Variants in PTX4 observed in about 807,000 individuals in gnomAD.
PTX4 encodes the protein pentraxin 4, also known as pentraxin-4.
A neutral mutation model predicts 19.1 loss-of-function variants in PTX4; 23 were observed. The observed-to-expected ratio is 1.20, with a 90% CI of 0.87 to 1.70. The LOEUF (loss-of-function observed/expected upper bound fraction) is 1.70. Ranked by LOEUF, PTX4 falls within the 40% of genes most tolerant of loss-of-function variation. The probability of loss-of-function intolerance (pLI) is 0.00; values close to 1 mark genes in which losing one functional copy is unlikely to be tolerated. For missense variants in PTX4, 678 were observed against 610.5 expected (o/e 1.11, Z -1.17); for synonymous variants, 317 against 279.6 (o/e 1.13, Z -1.33).
chr16:1,487,654 G>A lies in PTX4; in HGVS notation c.458C>T (p.Ser153Leu), dbSNP rs757747258. The change falls in exon 2 of 3, where the codon TCA (serine) becomes TTA (leucine). Residue 153 changes from serine to leucine, a missense_variant. By Grantham distance (145) the Ser-to-Leu change is moderately radical. Transcript: ENST00000447419. Reference sequence around the variant, plus strand: ...GACGAGGCCCTCCAGGCGTGCCAGTGAGTCCTGCAGGGCGTCCCTCTGGGC... The same window carrying A: ...GACGAGGCCCTCCAGGCGTGCCAGTAAGTCCTGCAGGGCGTCCCTCTGGGC... Reference protein sequence around the residue: ...HKAQRDALQDSLARLEGLVHS... With the variant: ...HKAQRDALQDLLARLEGLVHS... 2 of 1,589,766 alleles carry A rather than the reference G, an allele frequency of 1.3e-6. No individual in the cohort carries two copies. Among genetic ancestry groups the A allele is most frequent in the Non-Finnish European group, 1.7e-6 (2 of 1,164,278 alleles).
rs149572258 is a variant in PTX4, at chr16:1,486,133, C to G, written c.1243G>C (p.Asp415His). ...CTCCCCACGAAGGCCTCGGAGCTGT[C>G]GAATCCGCCCCCCACGCTGTCTTGT... ...QEQDSVGGGF[D>H]SSEAFVGSMS... Residue 415 changes from aspartate to histidine, a missense_variant, in exon 3 of 3, where the codon GAC becomes CAC. Transcript: ENST00000447419. 7 of 1,614,180 alleles carry G rather than the reference C, an allele frequency of 4.3e-6. No homozygotes were observed. The Admixed American group carries it at 5.0e-5, about 12-fold the overall frequency.
intron 2 of PTX4, among the ~76,000 whole-genome samples, chr16:1,487,091 C>T (rs889541512): frequency 3.9e-5 from 6 of 152,194 alleles, no homozygotes; most frequent in Non-Finnish European, 7.4e-5. Flanking sequence ...GTGCATCCCG[C>T]CACCTCTGCT....
rs759280380 is a variant in PTX4, at chr16:1,487,351, C to T, written c.761G>A (p.Arg254Gln). ...CACCTGGGGGGACCATGCCTGCTGC[C>T]GAGGGTCTTTTGGGGCAGTCCCACT... ...VLSGTAPKDP[R>Q]QQAWSPQVPG... The change falls in exon 2 of 3, where the codon CGG becomes CAG. Residue 254 changes from arginine (R) to glutamine (Q), a missense_variant. Transcript: ENST00000447419. The T allele has an allele frequency of 6.4e-6, 10 of 1,556,178 alleles. No individual in the cohort carries two copies. The highest frequency in any genetic ancestry group is 6.1e-5 in the South Asian group (5 of 81,668).
At position 1,487,296 on chromosome 16, in the gene PTX4, T is replaced by TG. The variant is rs750188077; in HGVS notation, c.796+19dup. ...GCTGGAGGGAAGCCTGGCCGTGAGC[T>TG]GGGAGCCTGTGGTACTTACTCTCTC... On this transcript the variant is annotated intron_variant, in intron 2 of 2. Coordinates refer to ENST00000447419, the MANE Select transcript of PTX4 (RefSeq NM_001328608.2). 4 of 1,501,076 alleles carry TG rather than the reference T, an allele frequency of 2.7e-6. No individual in the cohort carries two copies. The East Asian group carries it at 1.0e-4, about 38-fold the overall frequency. 93.0% of individuals were successfully genotyped at this position (1,501,076 alleles called of 1,614,324 possible).
intron 2 of PTX4, among the ~76,000 whole-genome samples, chr16:1,486,848 C>T (rs2039250861): frequency 6.6e-6 from 1 of 152,182 alleles, no homozygotes; most frequent in South Asian, 2.1e-4. Flanking sequence ...TGTCGGCCCA[C>T]CCAGCTGAGC....
chr16:1,486,663 C>T (rs1354491688), intron 2 of PTX4, 84 bp from the exon 3 acceptor site: 3 of 1,399,186 alleles, frequency 2.1e-6, no homozygotes, highest in Admixed American at 5.6e-5. Context: ...GGTGCCTGGC[C>T]TCCCACTCCC....
Position 1,486,095 on chromosome 16 carries a change from C to G in PTX4, c.1281G>C (p.Leu427Phe), listed in dbSNP as rs1259821677. 16 of 1,614,082 alleles carry G rather than the reference C, an allele frequency of 9.9e-6. 1 individual carries two copies. The Admixed American group carries it at 2.7e-4, about 27-fold the overall frequency. ...GAACCAGCGCCCGATCCCAGATAGCCAAGCCAGACATGCTCCCCACGAAGG... is the reference window on the plus strand; with the variant it reads ...GAACCAGCGCCCGATCCCAGATAGCGAAGCCAGACATGCTCCCCACGAAGG... ...SEAFVGSMSG[L>F]AIWDRALVPG... Residue 427 changes from leucine to phenylalanine, a missense_variant, in exon 3 of 3, where the codon TTG becomes TTC. Physicochemically the swap from Leu to Phe is conservative, Grantham distance 22 (BLOSUM62 0). Coordinates refer to ENST00000447419, the MANE Select transcript of PTX4 (RefSeq NM_001328608.2).
Position 1,486,156 on chromosome 16 carries a change from T to C in PTX4, c.1220A>G (p.Gln407Arg), listed in dbSNP as rs1192172691. The C allele has an allele frequency of 1.2e-6, 2 of 1,614,114 alleles. No individual in the cohort carries two copies. The highest frequency in any genetic ancestry group is 3.3e-5 in the Admixed American group (2 of 60,018). ...GTCGAATCCGCCCCCCACGCTGTCT[T>C]GTTCCTGGCCCAGCACGAGGGACCC... ...PGGSLVLGQE[Q>R]DSVGGGFDSS... Residue 407 changes from glutamine to arginine, a missense_variant, in exon 3 of 3, where the codon CAA (glutamine) becomes CGA (arginine). Transcript: ENST00000447419.
Position 1,487,709 on chromosome 16 carries a change from G to A in PTX4, c.403C>T (p.Gln135Ter), listed in dbSNP as rs1224113421. 1 of 1,611,680 alleles carries A rather than the reference G, an allele frequency of 6.2e-7. No homozygotes were observed. Among genetic ancestry groups the A allele is most frequent in the Admixed American group, 1.7e-5 (1 of 59,962 alleles). ...TGTGCCTTCCTTTCCCGGGCCCGCT[G>A]CTGGCTCCTCTCGCCCAGGGTGAGG... ...LDLTLGERSQQRARERKAHKA... is the reference protein window; with the variant it reads ...LDLTLGERSQ Residue 135 changes from glutamine (Q) to a stop codon, truncating the protein, a stop_gained, in exon 2 of 3, where the codon CAG becomes TAG. Transcript: ENST00000447419. LOFTEE classifies it high-confidence loss of function.
At position 1,488,837 on chromosome 16, in the gene PTX4, A is replaced by C. The variant is rs753131735; in HGVS notation, c.73T>G (p.Ser25Ala). The part of the protein sequence containing the change: ...FVPIYLHGAS[S>A]QEAAPVGPRK... ...GGCCCCACTGGGGCGGCTTCCTGCG[A>C]TGAAGCCCCATGTAGATATATAGGC... is the stretch of plus-strand genomic sequence containing the variant. Residue 25 changes from serine (S) to alanine (A), a missense_variant, in exon 1 of 3, where the codon TCG (serine) becomes GCG (alanine). By Grantham distance (99) the Ser-to-Ala change is moderately conservative (BLOSUM62 1). Transcript: ENST00000447419. 1 of 702,640 alleles carries C rather than the reference A, an allele frequency of 1.4e-6. No homozygotes were observed. Among genetic ancestry groups the C allele is most frequent in the South Asian group, 1.5e-5 (1 of 67,586 alleles). The allele number at this position is 702,640 out of a possible 1,614,324, so 43.5% of individuals were successfully genotyped here. A position where few individuals can be genotyped will look rare whatever the true frequency, so the allele number is the denominator to read the frequency against.
At position 1,486,120 on chromosome 16, in the gene PTX4, GCCT is replaced by G. The variant is rs774562768; in HGVS notation, c.1253_1255del (p.Glu418del). 1.9e-6 allele frequency: 3 copies of G among 1,614,058 alleles called. No individual in the cohort carries two copies. The African/African-American group carries it at 4.0e-5, about 22-fold the overall frequency. On this transcript the variant is annotated inframe_deletion, in exon 3 of 3. Coordinates refer to ENST00000447419, the MANE Select transcript of PTX4 (RefSeq NM_001328608.2). ...CAAGCCAGACATGCTCCCCACGAAG[GCCT>G]CGGAGCTGTCGAATCCGCCCCCCAC...
In PTX4 at chr16:1,486,497, G is replaced by A; in HGVS notation, c.879C>T (p.Ala293=). ...VVFLSPGFVT[A]LRALSFCSWV... is the part of the protein sequence containing the mutation. The stretch of plus-strand genomic sequence containing the variant: ...AGCTGCAGAAGGACAGGGCTCGCAG[G>A]GCAGTGACGAAACCAGGGCTGAGGA... The change falls in exon 3 of 3, where the codon GCC becomes GCT. Residue 293 remains alanine (A), a synonymous_variant. Coordinates refer to ENST00000447419, the MANE Select transcript of PTX4 (RefSeq NM_001328608.2). 6.2e-7 allele frequency: 1 copy of A among 1,609,356 alleles called. No homozygotes were observed. The highest frequency in any genetic ancestry group is 8.5e-7 in the Non-Finnish European group (1 of 1,178,038).
In PTX4 at chr16:1,486,126, G is replaced by T. The variant is rs1030618363; in HGVS notation, c.1250C>A (p.Ser417Tyr). The change falls in exon 3 of 3, where the codon TCC (serine) becomes TAC (tyrosine). Residue 417 changes from serine (S) to tyrosine (Y), a missense_variant. Coordinates refer to ENST00000447419, the MANE Select transcript of PTX4 (RefSeq NM_001328608.2). Reference sequence around the variant, plus strand: ...AGACATGCTCCCCACGAAGGCCTCGGAGCTGTCGAATCCGCCCCCCACGCT... The same window carrying T: ...AGACATGCTCCCCACGAAGGCCTCGTAGCTGTCGAATCCGCCCCCCACGCT... ...QDSVGGGFDS[S>Y]EAFVGSMSGL... 2.5e-6 allele frequency: 4 copies of T among 1,614,092 alleles called. No individual in the cohort carries two copies. In the Admixed American group the frequency reaches 6.7e-5, roughly 27 times the overall value.
Position 1,487,384 on chromosome 16 carries a change from C to A in PTX4, c.728G>T (p.Arg243Leu). The stretch of plus-strand genomic sequence containing the variant: ...TTTTGGGGCAGTCCCACTGAGTACC[C>A]GATGGCTGCCTGAGGCTGGAGGCTC... ...RREPPASGSHRVLSGTAPKDP... is the reference protein window; with the variant it reads ...RREPPASGSHLVLSGTAPKDP... Residue 243 changes from arginine (R) to leucine (L), a missense_variant, in exon 2 of 3, where the codon CGG (arginine) becomes CTG (leucine). By Grantham distance (102) the Arg-to-Leu change is moderately radical. Transcript: ENST00000447419. The A allele has an allele frequency of 1.3e-6, 2 of 1,551,310 alleles. No individual in the cohort carries two copies. Among genetic ancestry groups the A allele is most frequent in the Non-Finnish European group, 1.7e-6 (2 of 1,154,806 alleles).
At position 1,486,556 on chromosome 16, in the gene PTX4, CGA is replaced by C. The variant is rs765144877; in HGVS notation, c.818_819del (p.Leu273ArgfsTer49). ...TTCCTGGTGGAGGCGTTTGGGAAAA[CGA>C]GGGTGGGGCCCACGCCGCAAACTAG... ...PGEICGVGPT[L>X]VFPNASTRNV... On this transcript the variant is annotated frameshift_variant, in exon 3 of 3. Transcript: ENST00000447419. LOFTEE classifies it low-confidence loss of function (END_TRUNC). 1.4e-5 allele frequency: 22 copies of C among 1,557,070 alleles called. No individual in the cohort carries two copies. The highest frequency in any genetic ancestry group is 1.8e-5 in the Non-Finnish European group (21 of 1,153,610).
At chr16:1,486,853 C>A (rs1330471205) in intron 2 of PTX4, among the ~76,000 whole-genome samples, 3 of 152,210 alleles carry the variant, frequency 2.0e-5, no homozygotes, top group African/African-American at 7.2e-5. Flanking sequence ...GCCCACCCAG[C>A]TGAGCCAGCG....
At position 1,487,700 on chromosome 16, in the gene PTX4, G is replaced by A. The variant is rs200278596; in HGVS notation, c.412C>T (p.Arg138Trp). The change falls in exon 2 of 3, where the codon CGG (arginine) becomes TGG (tryptophan). Residue 138 changes from arginine to tryptophan, a missense_variant. Transcript: ENST00000447419. Reference sequence around the variant, plus strand: ...TGGGCCTTGTGTGCCTTCCTTTCCCGGGCCCGCTGCTGGCTCCTCTCGCCC... The same window carrying A: ...TGGGCCTTGTGTGCCTTCCTTTCCCAGGCCCGCTGCTGGCTCCTCTCGCCC... ...TLGERSQQRA[R>W]ERKAHKAQRD... is the part of the protein sequence containing the mutation. 7.6e-5 allele frequency: 123 copies of A among 1,610,974 alleles called. No individual in the cohort carries two copies. The highest frequency in any genetic ancestry group is 5.6e-4 in the African/African-American group (42 of 74,988).
chr16:1,487,342 G>T lies in PTX4; in HGVS notation c.770C>A (p.Ala257Glu). The change falls in exon 2 of 3, where the codon GCA becomes GAA. Residue 257 changes from alanine to glutamate, a missense_variant. Transcript: ENST00000447419. Reference sequence around the variant, plus strand: ...CTCTCCTGGCACCTGGGGGGACCATGCCTGCTGCCGAGGGTCTTTTGGGGC... The same window carrying T: ...CTCTCCTGGCACCTGGGGGGACCATTCCTGCTGCCGAGGGTCTTTTGGGGC... ...GTAPKDPRQQ[A>E]WSPQVPGEIC... 6.4e-7 allele frequency: 1 copy of T among 1,553,442 alleles called. No individual in the cohort carries two copies. The highest frequency in any genetic ancestry group is 8.6e-7 in the Non-Finnish European group (1 of 1,156,216).
intron 2 of PTX4, 105 bp from the exon 3 acceptor site, chr16:1,486,684 C>A: frequency 8.3e-7 from 1 of 1,204,198 alleles, no homozygotes. Context: ...GGCTGCCACC[C>A]TTCACGGAGC....
Sources: allele counts gnomAD v4.1 joint callset (sites outside exome capture counted in the v4.1 genomes callset), GRCh38; gene constraint gnomAD v4.1.1; transcripts MANE v1.5; gene names NCBI Gene and HGNC (gene_info 2026-07-23, HGNC 2026-07-21).